Variants in COG6 observed in about 807,000 individuals in gnomAD.
The protein encoded by COG6 is component of oligomeric golgi complex 6, also known as conserved oligomeric Golgi complex subunit 6.
A neutral mutation model predicts 88.8 loss-of-function variants in COG6; 74 were observed. The observed-to-expected ratio is 0.83, with a 90% confidence interval of 0.69 to 1.01. COG6 has a LOEUF of 1.01. Among genes scored for constraint, COG6 ranks in the 50% least tolerant of loss-of-function variants. The pLI, the probability that COG6 is intolerant of heterozygous loss-of-function variation, is 0.00. For missense variants in COG6, 800 were observed against 797.9 expected (o/e 1.00, Z -0.03); for synonymous variants, 286 against 278.7 (o/e 1.03, Z -0.26).
At chr13:39,682,545 A>G (rs1176764229) in intron 8 of COG6, 1 of 336,566 alleles carries the variant, frequency 3.0e-6, no homozygotes, top group Non-Finnish European at 5.5e-6. Flanking sequence ...CTGTCGTCTC[A>G]TTAACTCCCT....
intron 13 of COG6, among the ~76,000 whole-genome samples, chr13:39,706,499 G>A (rs1483685667): frequency 6.6e-6 from 1 of 151,410 alleles, no homozygotes; most frequent in Non-Finnish European, 1.5e-5. Flanking sequence ...AATTTTTATG[G>A]TGCAACCTTT....
At chr13:39,725,831 C>T (rs550761032) in intron 17 of COG6, among the ~76,000 whole-genome samples, 152 of 151,930 alleles carry the variant, frequency 1.0e-3, no homozygotes, top group African/African-American at 3.2e-3. Flanking sequence ...ACTTACCATA[C>T]TATCCAGTAC....
At chr13:39,775,988 C>G (rs1005548313) in intron 18 of COG6, among the ~76,000 whole-genome samples, 1 of 152,060 alleles carries the variant, frequency 6.6e-6, no homozygotes, top group Non-Finnish European at 1.5e-5. Context: ...AGTCTGGTCT[C>G]GAACTCCCCA....
rs2138007330 is a variant in COG6 at position 39,687,771 on chromosome 13, A to G, written c.981A>G (p.Glu327=). Residue 327 remains glutamate (E), a synonymous_variant, in exon 10 of 19, where the codon GAA becomes GAG. Transcript: ENST00000455146. ...QATASEKEHL[E]ALLKHVTTQG... The stretch of plus-strand genomic sequence containing the variant: ...CTGCTTCTGAAAAGGAACACCTTGA[A>G]GCTCTCTTAAAGCATGTAACTACAC... The G allele has an allele frequency of 3.7e-6, 6 of 1,613,888 alleles. No homozygotes were observed. The Admixed American group carries it at 1.0e-4, about 27-fold the overall frequency.
At chr13:39,672,573 T>C (rs1162369199) in intron 4 of COG6, among the ~76,000 whole-genome samples, 2 of 152,070 alleles carry the variant, frequency 1.3e-5, no homozygotes, top group Non-Finnish European at 2.9e-5. Context: ...TCATCCATGT[T>C]ACTTTAACCT....
At chr13:39,764,721 G>A (rs1220327950) in intron 18 of COG6, among the ~76,000 whole-genome samples, 1 of 152,022 alleles carries the variant, frequency 6.6e-6, no homozygotes, top group African/African-American at 2.4e-5. Flanking sequence ...GCTATAACCA[G>A]AAAATGTATT....
chr13:39,786,701 C>G (rs1324603328), intron 18 of COG6, among the ~76,000 whole-genome samples: 1 of 152,182 alleles, frequency 6.6e-6, no homozygotes, highest in Non-Finnish European at 1.5e-5. Context: ...TGAATTCTAT[C>G]TAGCCCTGCT....
At chr13:39,787,134 C>T (rs1881798522) in intron 18 of COG6, among the ~76,000 whole-genome samples, 1 of 151,980 alleles carries the variant, frequency 6.6e-6, no homozygotes, top group African/African-American at 2.4e-5. Context: ...ATGCTGTGAA[C>T]TATAATGAGC....
intron 18 of COG6, among the ~76,000 whole-genome samples, chr13:39,750,715 C>T (rs958988807): frequency 6.6e-6 from 1 of 151,866 alleles, no homozygotes; most frequent in Non-Finnish European, 1.5e-5. Flanking sequence ...CAGTCCATGC[C>T]CTCTGCAACC....
intron 18 of COG6, among the ~76,000 whole-genome samples, chr13:39,748,587 C>A (rs1245601971): frequency 6.6e-6 from 1 of 151,952 alleles, no homozygotes. Context: ...TGCACTCCAG[C>A]CTGGGTGACA....
intron 11 of COG6, among the ~76,000 whole-genome samples, chr13:39,690,032 AT>A (rs1213609825): frequency 6.6e-6 from 1 of 151,926 alleles, no homozygotes; most frequent in Non-Finnish European, 1.5e-5. Context: ...TGTAGTTTGC[AT>A]ATATTGACCT....
At chr13:39,749,669 G>C (rs1880519775) in intron 18 of COG6, among the ~76,000 whole-genome samples, 2 of 152,170 alleles carry the variant, frequency 1.3e-5, no homozygotes, top group Admixed American at 6.6e-5. Flanking sequence ...TGAACATTAA[G>C]AGCATTTACA....
At chr13:39,724,428 C>T in intron 16 of COG6, 80 bp from the exon 17 acceptor site, 1 of 1,101,518 alleles carries the variant, frequency 9.1e-7, no homozygotes, top group Non-Finnish European at 1.4e-6. Flanking sequence ...CACTAATGAA[C>T]TATATTCAGT....
At chr13:39,710,967 T>G (rs538209836) in intron 13 of COG6, among the ~76,000 whole-genome samples, 1 of 152,086 alleles carries the variant, frequency 6.6e-6, no homozygotes, top group Non-Finnish European at 1.5e-5. Context: ...ATTTTACTTT[T>G]GTTTAAGATT....
chr13:39,782,027 G>T (rs4620840), intron 18 of COG6, among the ~76,000 whole-genome samples: 152,312 of 152,332 alleles, frequency 1, 76,146 homozygotes, highest in Non-Finnish European at 1. Flanking sequence ...GGAGATGATA[G>T]CATTCATTGA....
chr13:39,694,668 G>T lies in COG6; in HGVS notation c.1109G>T (p.Gly370Val). 1 of 1,601,788 alleles carries T rather than the reference G, an allele frequency of 6.2e-7. No homozygotes were observed. Among genetic ancestry groups the T allele is most frequent in the South Asian group, 1.1e-5 (1 of 90,104 alleles). Reference protein sequence around the residue: ...RIEQVIVAEPGAVLLYKISNL... With the variant: ...RIEQVIVAEPVAVLLYKISNL... ...GAGCAAGTAATAGTTGCTGAACCTG[G>T]GGCAGTTTTATTATATAAAATTTCT... Residue 370 changes from glycine to valine, a missense_variant, in exon 12 of 19, where the codon GGG (glycine) becomes GTG (valine). By Grantham distance (109) the Gly-to-Val change is moderately radical (BLOSUM62 -3). Coordinates refer to ENST00000455146, the MANE Select transcript of COG6 (RefSeq NM_020751.3).
At chr13:39,711,098 T>A (rs1878214006) in intron 13 of COG6, among the ~76,000 whole-genome samples, 1 of 152,138 alleles carries the variant, frequency 6.6e-6, no homozygotes, top group East Asian at 1.9e-4. Context: ...GAAGTCTGCC[T>A]TCCTCCTCCA....
chr13:39,786,474 T>G (rs559802224), intron 18 of COG6, among the ~76,000 whole-genome samples: 7 of 151,990 alleles, frequency 4.6e-5, no homozygotes, highest in Non-Finnish European at 7.4e-5. Flanking sequence ...GGAGAGGAGA[T>G]GCACAGTTGT....
chr13:39,733,215 G>T lies in COG6; in HGVS notation c.1826+5667G>T, dbSNP rs1193182609. On this transcript the variant is annotated intron_variant, in intron 18 of 18. Coordinates refer to ENST00000455146, the MANE Select transcript of COG6 (RefSeq NM_020751.3). ...TTTTTTTTTTTTTTTTTTGGAGACG[G>T]AGTCTTGCTGTGTCACCCAGGCTGG... 3.4e-5 allele frequency among the ~76,000 whole-genome samples: 5 copies of T among 148,826 alleles called. No individual in the cohort carries two copies. The East Asian group carries it at 7.8e-4, about 23-fold the overall frequency.
Sources: gnomAD v4.1 joint callset for allele counts (sites outside exome capture counted in the v4.1 genomes callset) on GRCh38, gnomAD v4.1.1 for gene constraint, MANE v1.5 for transcripts, NCBI Gene and HGNC (gene_info 2026-07-23, HGNC 2026-07-21) for gene names.